The following RORA variants were observed in gnomAD, a reference collection of about 807,000 sequenced individuals.
The protein encoded by RORA is nuclear receptor ROR-alpha.
Under a neutral mutation model 69.5 loss-of-function variants are expected in RORA, and 7 were observed. The ratio of observed to expected loss-of-function variants is 0.10; its 90% CI spans 0.06 to 0.19. The LOEUF is 0.19. Among genes scored for constraint, RORA ranks in the 10% least tolerant of loss-of-function variants. RORA has a pLI of 1.00. For missense variants in RORA, 457 were observed against 663.0 expected, an observed-to-expected ratio of 0.69 and a Z score of 3.41; for synonymous variants, 261 against 240.8, an observed-to-expected ratio of 1.08 and a Z score of -0.78.
intron 2 of RORA, among the ~76,000 whole-genome samples, chr15:60,578,934 T>C (rs1311368632): frequency 2.6e-5 from 4 of 151,948 alleles, no homozygotes; most frequent in Non-Finnish European, 5.9e-5. Flanking sequence ...CAGCTAATTT[T>C]TTGTATTTTC....
At chr15:60,837,252 A>G (rs908077289) in intron 1 of RORA, among the ~76,000 whole-genome samples, 33 of 151,656 alleles carry the variant, frequency 2.2e-4, no homozygotes, top group Non-Finnish European at 3.5e-4. Flanking sequence ...TTTCTTATTC[A>G]TTTTCTTTCC....
At chr15:60,885,639 T>A (rs1425717176) in intron 1 of RORA, among the ~76,000 whole-genome samples, 1 of 152,206 alleles carries the variant, frequency 6.6e-6, no homozygotes, top group East Asian at 1.9e-4. Context: ...GAATCAAAAA[T>A]ATATATATTT....
intron 1 of RORA, among the ~76,000 whole-genome samples, chr15:60,760,840 A>G (rs1449642705): frequency 6.6e-6 from 1 of 151,840 alleles, no homozygotes; most frequent in Non-Finnish European, 1.5e-5. Flanking sequence ...GCATGTCTAT[A>G]CATGCAGACA....
chr15:61,003,971 C>A (rs73436230), intron 1 of RORA, among the ~76,000 whole-genome samples: 4,008 of 151,440 alleles, frequency 0.026, 196 homozygotes, highest in African/African-American at 0.092. Flanking sequence ...CTCTCTCCCT[C>A]TCTATGAGAA....
chr15:60,574,567 T>G (rs899448337), intron 2 of RORA, among the ~76,000 whole-genome samples: 3 of 152,200 alleles, frequency 2.0e-5, no homozygotes, highest in Non-Finnish European at 4.4e-5. Context: ...GAATACGTGA[T>G]GTGTACCATT....
intron 1 of RORA, among the ~76,000 whole-genome samples, chr15:60,920,909 C>T (rs533985673): frequency 9.4e-4 from 143 of 152,280 alleles, no homozygotes; most frequent in Non-Finnish European, 1.4e-3. Context: ...GCATTAAACT[C>T]ACTTCAAGGA....
chr15:61,215,030 A>C (rs1367200938), intron 1 of RORA, among the ~76,000 whole-genome samples: 1 of 64,802 alleles, frequency 1.5e-5, no homozygotes, highest in Admixed American at 2.4e-4. Flanking sequence ...ACGCCCAGCT[A>C]ATTTTTTTTT....
At chr15:61,048,325 C>A (rs115564568) in intron 1 of RORA, among the ~76,000 whole-genome samples, 13 of 152,132 alleles carry the variant, frequency 8.5e-5, no homozygotes, top group African/African-American at 3.1e-4. Flanking sequence ...TCCCAGGAAA[C>A]GAGACCTGAA....
intron 1 of RORA, among the ~76,000 whole-genome samples, chr15:61,030,694 C>T (rs568932193): frequency 6.6e-6 from 1 of 152,094 alleles, no homozygotes; most frequent in Non-Finnish European, 1.5e-5. Context: ...CAAAACAATG[C>T]CGTGACTTTT....
intron 1 of RORA, among the ~76,000 whole-genome samples, chr15:60,930,674 T>C (rs1036445475): frequency 1.3e-5 from 2 of 152,212 alleles, no homozygotes; most frequent in African/African-American, 4.8e-5. Context: ...ACTTCTGAAT[T>C]CCTTCCTTGA....
At chr15:61,114,292 C>T (rs2079031768) in intron 1 of RORA, among the ~76,000 whole-genome samples, 1 of 152,054 alleles carries the variant, frequency 6.6e-6, no homozygotes, top group Non-Finnish European at 1.5e-5. Flanking sequence ...TCAGCTTTAC[C>T]CCTCAGCTAG....
intron 2 of RORA, among the ~76,000 whole-genome samples, chr15:60,582,547 AG>A (rs1206089388): frequency 6.6e-6 from 1 of 152,146 alleles, no homozygotes; most frequent in Non-Finnish European, 1.5e-5. Flanking sequence ...CACCCTATGT[AG>A]GGGGGTTTCC....
In RORA at chr15:60,494,173, T is replaced by C. The variant is rs2141233389; in HGVS notation, c.*3282A>G. 9.8e-6 allele frequency: 1 copy of C among 101,582 alleles called. No individual in the cohort carries two copies. Among genetic ancestry groups the C allele is most frequent in the East Asian group, 5.0e-4 (1 of 1,994 alleles). 6.3% of individuals were successfully genotyped at this position (101,582 alleles called of 1,614,324 possible). On this transcript the variant is annotated 3_prime_UTR_variant, in exon 11 of 11. Coordinates refer to ENST00000335670, the MANE Select transcript of RORA (RefSeq NM_134261.3). Reference sequence around the variant, plus strand: ...ATAGCTTTAATACACGTTAAGATGCTGAACACTTTAAAAAAAATCCGTAGC... The same window carrying C: ...ATAGCTTTAATACACGTTAAGATGCCGAACACTTTAAAAAAAATCCGTAGC...
Position 60,942,792 on chromosome 15 carries a change from G to A in RORA, c.167-264106C>T, listed in dbSNP as rs1456414026. On this transcript the variant is annotated intron_variant, in intron 1 of 10. Transcript: ENST00000335670. Reference sequence around the variant, plus strand: ...TGATAATGCAGACATACCCTGGGATGGAGGTGGGGAGGACACAGGCAACTG... The same window carrying A: ...TGATAATGCAGACATACCCTGGGATAGAGGTGGGGAGGACACAGGCAACTG... 2.0e-5 allele frequency among the ~76,000 whole-genome samples: 3 copies of A among 152,218 alleles called. No individual in the cohort carries two copies. The East Asian group carries it at 5.8e-4, about 29-fold the overall frequency.
At chr15:61,157,230 AG>A (rs2079452173) in intron 1 of RORA, among the ~76,000 whole-genome samples, 1 of 152,182 alleles carries the variant, frequency 6.6e-6, no homozygotes, top group African/African-American at 2.4e-5. Flanking sequence ...GACACCTCTT[AG>A]GGAAATAAAA....
At chr15:60,710,314 C>T (rs1418748764) in intron 1 of RORA, among the ~76,000 whole-genome samples, 1 of 152,166 alleles carries the variant, frequency 6.6e-6, no homozygotes, top group Non-Finnish European at 1.5e-5. Flanking sequence ...CATGGAGAAA[C>T]CCCATCTCTA....
At position 60,518,595 on chromosome 15, in the gene RORA, C is replaced by T. The variant is rs367704129; in HGVS notation, c.283-3838G>A. Among the ~76,000 whole-genome samples the T allele has an allele frequency of 9.2e-5, 14 of 152,352 alleles. No individual in the cohort carries two copies. The South Asian group carries it at 1.0e-3, about 11-fold the overall frequency. The stretch of plus-strand genomic sequence containing the variant: ...GCACACCTTCTTCATCAGGCCCTTA[C>T]GCTTCTCGCCATGATTCCCCTGCCC... On this transcript the variant is annotated intron_variant, in intron 3 of 10. Coordinates refer to ENST00000335670, the MANE Select transcript of RORA (RefSeq NM_134261.3).
intron 1 of RORA, among the ~76,000 whole-genome samples, chr15:61,083,916 G>T (rs557085152): frequency 3.3e-5 from 5 of 152,272 alleles, no homozygotes; most frequent in African/African-American, 1.2e-4. Flanking sequence ...TATGAAGAAA[G>T]CACAAACAAA....
At chr15:60,970,646 C>T (rs1217181978) in intron 1 of RORA, among the ~76,000 whole-genome samples, 1 of 152,164 alleles carries the variant, frequency 6.6e-6, no homozygotes, top group Admixed American at 6.5e-5. Flanking sequence ...ATGAGTAAAT[C>T]ATAGGATTAG....
Sources: allele counts gnomAD v4.1 joint callset (sites outside exome capture counted in the v4.1 genomes callset), GRCh38; gene constraint gnomAD v4.1.1; transcripts MANE v1.5; gene names NCBI Gene and HGNC (gene_info 2026-07-23, HGNC 2026-07-21).